PRRC1: variants seen among roughly 807,000 people sequenced by gnomAD.
The protein encoded by PRRC1 is proline rich coiled-coil 1.
In PRRC1, 39 loss-of-function variants were observed where a neutral mutation model predicts 40.7. The observed-to-expected ratio is 0.96, with a 90% CI of 0.74 to 1.25. The LOEUF (loss-of-function observed/expected upper bound fraction) is 1.25, where lower values mean the gene tolerates loss of function less well. Ranked by LOEUF, PRRC1 falls within the 50% of genes most tolerant of loss-of-function variation. PRRC1 has a pLI of 0.00. For missense variants in PRRC1, 573 were observed against 548.3 expected, an observed-to-expected ratio of 1.05 and a Z score of -0.45; for synonymous variants, 175 against 193.3, an observed-to-expected ratio of 0.91 and a Z score of 0.79.
chr5:127,524,444 T>G (rs866508510), intron 2 of PRRC1, 87 bp from the exon 3 acceptor site: 3 of 1,347,286 alleles, frequency 2.2e-6, no homozygotes, highest in Middle Eastern at 2.3e-4. Flanking sequence ...GTTAAAAATT[T>G]TGCAAGAAGA....
chr5:127,524,296 G>A (rs1767541648), intron 2 of PRRC1, among the ~76,000 whole-genome samples: 1 of 151,990 alleles, frequency 6.6e-6, no homozygotes, highest in South Asian at 2.1e-4. Context: ...AAACCAAAAA[G>A]CAAAAATGAA....
chr5:127,523,669 C>A, intron 2 of PRRC1, 87 bp downstream of exon 2: 1 of 673,838 alleles, frequency 1.5e-6, no homozygotes, highest in Non-Finnish European at 2.3e-6. Flanking sequence ...GAAAAGAATG[C>A]ATATATTAAA....
At chr5:127,545,364 A>T (rs1381366174) in intron 7 of PRRC1, among the ~76,000 whole-genome samples, 1 of 152,228 alleles carries the variant, frequency 6.6e-6, no homozygotes, top group South Asian at 2.1e-4. Flanking sequence ...ACTATTCCCA[A>T]TAGCAAAGAC....
At chr5:127,537,225 G>T (rs1017023375) in intron 6 of PRRC1, among the ~76,000 whole-genome samples, 9 of 151,714 alleles carry the variant, frequency 5.9e-5, no homozygotes, top group Non-Finnish European at 1.2e-4. Flanking sequence ...GAACCAAGTT[G>T]CTTAGTATAA....
At position 127,530,320 on chromosome 5, in the gene PRRC1, G is replaced by A; in HGVS notation, c.681G>A (p.Lys227=). The change falls in exon 5 of 9, where the codon AAG becomes AAA. Residue 227 remains lysine (K), a synonymous_variant. Transcript: ENST00000296666. ...IKGVAGNPMV[K]SVLDKTKHSV... Reference sequence around the variant, plus strand: ...GTGTGGCTGGGAATCCTATGGTGAAGTCTGTGCTTGATAAGACAAAACATT... The same window carrying A: ...GTGTGGCTGGGAATCCTATGGTGAAATCTGTGCTTGATAAGACAAAACATT... 1 of 1,613,944 alleles carries A rather than the reference G, an allele frequency of 6.2e-7. No individual in the cohort carries two copies. Among genetic ancestry groups the A allele is most frequent in the Non-Finnish European group, 8.5e-7 (1 of 1,179,890 alleles).
intron 4 of PRRC1, among the ~76,000 whole-genome samples, chr5:127,527,135 T>G (rs1767639870): frequency 6.6e-6 from 1 of 152,250 alleles, no homozygotes; most frequent in Admixed American, 6.5e-5. Context: ...TTCCCGTGTT[T>G]TATTTTGCTA....
chr5:127,547,745 T>G (rs1768266244), intron 7 of PRRC1, 74 bp from the exon 8 acceptor site: 2 of 999,658 alleles, frequency 2.0e-6, no homozygotes, highest in African/African-American at 1.6e-5. Flanking sequence ...ATAGTACTTG[T>G]TTTTTCTTTT....
intron 3 of PRRC1, 150 bp downstream of exon 3, chr5:127,525,070 G>A: frequency 1.2e-6 from 1 of 852,132 alleles, no homozygotes; most frequent in Non-Finnish European, 1.7e-6. Flanking sequence ...CATCAGAATT[G>A]TGCATCCCTT....
At chr5:127,526,320 A>G (rs1278012709) in intron 3 of PRRC1, among the ~76,000 whole-genome samples, 1 of 152,224 alleles carries the variant, frequency 6.6e-6, no homozygotes, top group Non-Finnish European at 1.5e-5. Flanking sequence ...TGGATTAAAG[A>G]GACCTGAACT....
chr5:127,552,367 G>T lies in PRRC1; in HGVS notation c.*451G>T, dbSNP rs1041881270. ...TTTGACTACTTTTGTATGTGCACACGATCTCAGGGCTGGTGCTGAGCAGCC... is the reference window on the plus strand; with the variant it reads ...TTTGACTACTTTTGTATGTGCACACTATCTCAGGGCTGGTGCTGAGCAGCC... On this transcript the variant is annotated 3_prime_UTR_variant, in exon 9 of 9. Transcript: ENST00000296666. 3 of 1,009,840 alleles carry T rather than the reference G, an allele frequency of 3.0e-6. No homozygotes were observed. The highest frequency in any genetic ancestry group is 5.1e-4 in the Middle Eastern group (1 of 1,972). The allele number at this position is 1,009,840 out of a possible 1,614,324, so 62.6% of individuals were successfully genotyped here.
Position 127,552,341 on chromosome 5 carries a change from C to A in PRRC1, c.*425C>A. 9.8e-7 allele frequency: 1 copy of A among 1,020,516 alleles called. No homozygotes were observed. The allele number at this position is 1,020,516 out of a possible 1,614,324, so 63.2% of individuals were successfully genotyped here. ...TTGGCTTCATCTCTTTTCTGTCAGT[C>A]TTTGACTACTTTTGTATGTGCACAC... On this transcript the variant is annotated 3_prime_UTR_variant, in exon 9 of 9. Coordinates refer to ENST00000296666, the MANE Select transcript of PRRC1 (RefSeq NM_130809.5).
chr5:127,532,786 A>G (rs1485272536), intron 5 of PRRC1, among the ~76,000 whole-genome samples: 2 of 152,196 alleles, frequency 1.3e-5, no homozygotes, highest in East Asian at 3.8e-4. Flanking sequence ...CCTTGTTTCT[A>G]GGGCAAAATG....
intron 7 of PRRC1, among the ~76,000 whole-genome samples, chr5:127,543,438 A>T (rs978905920): frequency 5.9e-5 from 9 of 152,110 alleles, no homozygotes; most frequent in African/African-American, 1.9e-4. Flanking sequence ...AGATTGGGGA[A>T]GTTCTCCTGG....
intron 5 of PRRC1, among the ~76,000 whole-genome samples, chr5:127,530,705 C>G (rs1234327862): frequency 6.7e-6 from 1 of 149,664 alleles, no homozygotes; most frequent in African/African-American, 2.4e-5. Context: ...ATGAATTTTA[C>G]TTTATTCACT....
intron 8 of PRRC1, chr5:127,550,186 T>G (rs1441585356): frequency 6.6e-6 from 1 of 152,138 alleles, no homozygotes; most frequent in Admixed American, 6.6e-5. Flanking sequence ...AAGGGTGTTA[T>G]TTGCTTTTTA....
intron 5 of PRRC1, among the ~76,000 whole-genome samples, chr5:127,532,081 C>T (rs1580936812): frequency 1.3e-5 from 2 of 151,650 alleles, no homozygotes; most frequent in East Asian, 3.9e-4. Flanking sequence ...TCTAACAAAA[C>T]AACTCAAAGT....
chr5:127,517,961 G>A (rs1767360602), intron 1 of PRRC1, 185 bp downstream of exon 1: 1 of 152,622 alleles, frequency 6.6e-6, no homozygotes, highest in African/African-American at 2.4e-5. Context: ...CAGCTGTGGC[G>A]GCGTGCGGGG....
chr5:127,533,869 A>G (rs1478120315), intron 6 of PRRC1, 83 bp downstream of exon 6: 3 of 1,432,604 alleles, frequency 2.1e-6, no homozygotes, highest in Non-Finnish European at 2.9e-6. Flanking sequence ...GTCTCTATGG[A>G]GCTAATAGAC....
rs559006382 is a variant in PRRC1 at position 127,524,678 on chromosome 5, C to T, written c.251C>T (p.Pro84Leu). The T allele has an allele frequency of 3.1e-6, 5 of 1,614,172 alleles. No individual in the cohort carries two copies. The highest frequency in any genetic ancestry group is 1.3e-5 in the African/African-American group (1 of 75,028). The change falls in exon 3 of 9, where the codon CCA (proline) becomes CTA (leucine). Residue 84 changes from proline to leucine, a missense_variant. Physicochemically the swap from Pro to Leu is moderately conservative, Grantham distance 98 (BLOSUM62 -3). Transcript: ENST00000296666. ...CCTCCTCCTGCAGTTCCTTCTGTCC[C>T]ACCACTTGTTACTTCTATGCCACCT... is the stretch of plus-strand genomic sequence containing the variant. ...FVPPPAVPSV[P>L]PLVTSMPPPV...
Sources: allele counts gnomAD v4.1 joint callset (sites outside exome capture counted in the v4.1 genomes callset), GRCh38; gene constraint gnomAD v4.1.1; transcripts MANE v1.5; gene names NCBI Gene and HGNC (gene_info 2026-07-23, HGNC 2026-07-21).